PTPRK: variants seen among roughly 807,000 people sequenced by gnomAD.
The protein encoded by PTPRK is protein tyrosine phosphatase receptor type K, also known as receptor-type tyrosine-protein phosphatase kappa.
A neutral mutation model predicts 178.0 loss-of-function variants in PTPRK; 75 were observed. The observed-to-expected ratio is 0.42, with a 90% CI of 0.35 to 0.51. The LOEUF (loss-of-function observed/expected upper bound fraction) is 0.51, where lower values mean the gene tolerates loss of function less well. Among genes scored for constraint, PTPRK ranks in the 20% least tolerant of loss-of-function variants. The pLI is 0.02. For synonymous variants in PTPRK, 637 were observed against 620.6 expected (o/e 1.03, Z -0.39); for missense variants, 1,441 against 1,797.8 (o/e 0.80, Z 3.59).
At chr6:128,407,115 CTA>C (rs1491416368) in intron 1 of PTPRK, among the ~76,000 whole-genome samples, 1 of 152,064 alleles carries the variant, frequency 6.6e-6, no homozygotes. Context: ...CCACAATATC[CTA>C]TGATATTAGA....
chr6:128,242,253 G>T (rs919071282), intron 4 of PTPRK, among the ~76,000 whole-genome samples: 2 of 152,032 alleles, frequency 1.3e-5, no homozygotes, highest in Admixed American at 6.6e-5. Context: ...CCTACTAACA[G>T]CTGCCTTTGC....
In PTPRK at chr6:128,429,187, G is replaced by A. The variant is rs374066749; in HGVS notation, c.101-31499C>T. ...TCAATTTCATCATCCTTAAAAGGAG[G>A]GACAGGAACACATGACCGTAAGGTA... On this transcript the variant is annotated intron_variant, in intron 1 of 29. Transcript: ENST00000368226. 1.1e-4 allele frequency among the ~76,000 whole-genome samples: 17 copies of A among 152,234 alleles called. No homozygotes were observed. The East Asian group carries it at 2.5e-3, about 22-fold the overall frequency.
intron 5 of PTPRK, among the ~76,000 whole-genome samples, 192 bp downstream of exon 5, chr6:128,239,841 ATG>A (rs1461190974): frequency 3.3e-5 from 5 of 152,222 alleles, no homozygotes; most frequent in African/African-American, 1.2e-4. Context: ...TTATTTGCTC[ATG>A]TGTTTTATTT....
chr6:128,231,242 T>C (rs1812246936), intron 5 of PTPRK, among the ~76,000 whole-genome samples: 1 of 152,160 alleles, frequency 6.6e-6, no homozygotes, highest in African/African-American at 2.4e-5. Flanking sequence ...ATGCTGTGAA[T>C]TAGAATATAC....
chr6:128,202,927 C>A (rs769565299), intron 6 of PTPRK, among the ~76,000 whole-genome samples: 1 of 151,662 alleles, frequency 6.6e-6, no homozygotes, highest in South Asian at 2.1e-4. Flanking sequence ...ATCCTAAATA[C>A]CAAAACTTGA....
At chr6:128,185,100 G>A (rs959009934) in intron 6 of PTPRK, among the ~76,000 whole-genome samples, 1 of 152,098 alleles carries the variant, frequency 6.6e-6, no homozygotes, top group Non-Finnish European at 1.5e-5. Context: ...TGCCCAAGAG[G>A]TATTTTTCTT....
intron 13 of PTPRK, among the ~76,000 whole-genome samples, chr6:128,020,442 A>C (rs533601797): frequency 9.3e-4 from 142 of 152,322 alleles, no homozygotes; most frequent in African/African-American, 3.4e-3. Context: ...TGATAATGTC[A>C]GTGATATTTT....
At chr6:128,410,689 G>A (rs188023159) in intron 1 of PTPRK, among the ~76,000 whole-genome samples, 10 of 152,186 alleles carry the variant, frequency 6.6e-5, no homozygotes, top group African/African-American at 2.4e-4. Context: ...CTGACTCAAC[G>A]GCATTAACTG....
intron 1 of PTPRK, among the ~76,000 whole-genome samples, chr6:128,433,253 T>A (rs938431559): frequency 6.6e-6 from 1 of 152,096 alleles, no homozygotes; most frequent in African/African-American, 2.4e-5. Context: ...CAACCCCTCT[T>A]CATCCCCGCT....
chr6:128,321,705 G>T, intron 3 of PTPRK: 1 of 665,062 alleles, frequency 1.5e-6, no homozygotes, highest in South Asian at 1.7e-5. Flanking sequence ...CTGTAGGAAA[G>T]AATCTGTCAA....
intron 3 of PTPRK, among the ~76,000 whole-genome samples, chr6:128,319,178 AGT>A (rs1173528349): frequency 6.6e-6 from 1 of 152,176 alleles, no homozygotes; most frequent in Non-Finnish European, 1.5e-5. Flanking sequence ...AAAGAATTCT[AGT>A]CTCATTTCTA....
At chr6:128,377,273 T>C (rs1446462697) in intron 2 of PTPRK, among the ~76,000 whole-genome samples, 18 of 152,096 alleles carry the variant, frequency 1.2e-4, no homozygotes, top group Admixed American at 1.0e-3. Flanking sequence ...CTCACAATCA[T>C]GGTGGAAGGC....
chr6:128,333,273 C>T (rs751362242), intron 2 of PTPRK, among the ~76,000 whole-genome samples: 1 of 152,154 alleles, frequency 6.6e-6, no homozygotes, highest in Non-Finnish European at 1.5e-5. Flanking sequence ...CACTGTTAAA[C>T]ATTAAAGACC....
chr6:128,467,842 T>C (rs1362949418), intron 1 of PTPRK, among the ~76,000 whole-genome samples: 1 of 148,920 alleles, frequency 6.7e-6, no homozygotes, highest in Non-Finnish European at 1.5e-5. Flanking sequence ...TAGCTTCAAT[T>C]AGAAGCAAAT....
chr6:128,112,047 C>T (rs1790757976), intron 7 of PTPRK, among the ~76,000 whole-genome samples: 1 of 152,056 alleles, frequency 6.6e-6, no homozygotes, highest in African/African-American at 2.4e-5. Flanking sequence ...GTTATTACCA[C>T]TCTTACTATC....
intron 7 of PTPRK, among the ~76,000 whole-genome samples, chr6:128,134,285 A>AT (rs1794694721): frequency 6.6e-6 from 1 of 152,160 alleles, no homozygotes; most frequent in Admixed American, 6.5e-5. Context: ...CAGAGCCCGT[A>AT]TTTTTTGAAT....
intron 2 of PTPRK, among the ~76,000 whole-genome samples, chr6:128,344,108 C>T (rs915700545): frequency 6.6e-6 from 1 of 152,194 alleles, no homozygotes; most frequent in Non-Finnish European, 1.5e-5. Context: ...TTTGATAGAA[C>T]GTGCTTTGGC....
At chr6:128,341,792 C>G (rs1424764238) in intron 2 of PTPRK, among the ~76,000 whole-genome samples, 1 of 152,140 alleles carries the variant, frequency 6.6e-6, no homozygotes, top group Non-Finnish European at 1.5e-5. Context: ...GCAACGTAGG[C>G]CTTACTGCCT....
chr6:128,459,814 A>C (rs1848813300), intron 1 of PTPRK, among the ~76,000 whole-genome samples: 1 of 152,190 alleles, frequency 6.6e-6, no homozygotes, highest in Admixed American at 6.6e-5. Flanking sequence ...AAACTGGGTA[A>C]TTTATAAAGA....
Sources: allele counts gnomAD v4.1 joint callset (sites outside exome capture counted in the v4.1 genomes callset), GRCh38; gene constraint gnomAD v4.1.1; transcripts MANE v1.5; gene names NCBI Gene and HGNC (gene_info 2026-07-23, HGNC 2026-07-21).